The following ETV4 variants were observed in gnomAD, a reference collection of about 807,000 sequenced individuals.
ETV4 encodes the protein ETS variant transcription factor 4, also known as ETS translocation variant 4.
ETV4 carries 42 observed loss-of-function variants against 65.9 expected under a neutral mutation model. The observed-to-expected ratio is 0.64, with a 90% CI of 0.50 to 0.82. ETV4 has a LOEUF of 0.82. Among genes scored for constraint, ETV4 ranks in the 40% least tolerant of loss-of-function variants. The pLI is 0.00. For synonymous variants in ETV4, 238 were observed against 260.0 expected (o/e 0.92, Z 0.81); for missense variants, 583 against 630.3 (o/e 0.92, Z 0.80).
intron 4 of ETV4, among the ~76,000 whole-genome samples, chr17:43,537,264 C>A (rs1484637225): frequency 1.3e-5 from 2 of 152,120 alleles, no homozygotes; most frequent in African/African-American, 4.8e-5. Context: ...TACTCAGGAG[C>A]TGAGACAGAA....
chr17:43,535,668 A>C (rs1227019497), intron 5 of ETV4, among the ~76,000 whole-genome samples: 1 of 152,238 alleles, frequency 6.6e-6, no homozygotes, highest in Non-Finnish European at 1.5e-5. Flanking sequence ...TGAGCATCAT[A>C]GGATGCTTTT....
chr17:43,531,150 A>AT (rs1418578071), intron 8 of ETV4, among the ~76,000 whole-genome samples: 5 of 152,172 alleles, frequency 3.3e-5, no homozygotes, highest in Non-Finnish European at 7.3e-5. Context: ...GTTGTGGTTC[A>AT]TCCCCCTGCC....
intron 8 of ETV4, chr17:43,530,524 AGTTCGGT>A (rs1970859216): frequency 1.0e-6 from 1 of 990,884 alleles, no homozygotes; most frequent in Non-Finnish European, 1.3e-6. Context: ...CCGGGGAAAG[AGTTCGGT>A]GTCCACGCCT....
chr17:43,542,239 A>G (rs566964844), intron 4 of ETV4, among the ~76,000 whole-genome samples: 2 of 152,116 alleles, frequency 1.3e-5, no homozygotes, highest in East Asian at 3.9e-4. Context: ...ATACACCTTT[A>G]TGTATGGTGC....
At chr17:43,542,797 G>A (rs1391989226) in intron 4 of ETV4, among the ~76,000 whole-genome samples, 4 of 152,018 alleles carry the variant, frequency 2.6e-5, no homozygotes, top group African/African-American at 4.8e-5. Flanking sequence ...ACACTACCAG[G>A]ACCCCCCTGC....
intron 2 of ETV4, 54 bp downstream of exon 2, chr17:43,545,504 G>T: frequency 8.0e-7 from 1 of 1,242,912 alleles, no homozygotes; most frequent in Non-Finnish European, 1.1e-6. Context: ...GCTGTGGTGA[G>T]AGTAGGGGCT....
intron 8 of ETV4, among the ~76,000 whole-genome samples, chr17:43,532,376 G>A (rs1299701595): frequency 1.3e-5 from 2 of 152,062 alleles, no homozygotes; most frequent in Non-Finnish European, 2.9e-5. Context: ...GCTGGTGCCT[G>A]TAATCCCAGG....
At chr17:43,533,472 A>G in intron 6 of ETV4, 124 bp from the exon 7 acceptor site, 1 of 932,396 alleles carries the variant, frequency 1.1e-6, no homozygotes, top group East Asian at 2.6e-5. Context: ...GGGGGCTGAG[A>G]AGGGAACGGC....
intron 4 of ETV4, among the ~76,000 whole-genome samples, chr17:43,539,080 C>T (rs1971393615): frequency 6.6e-6 from 1 of 152,220 alleles, no homozygotes; most frequent in Admixed American, 6.5e-5. Context: ...CCCTTGCTCT[C>T]CACCTAGGTG....
Position 43,529,766 on chromosome 17 carries a change from C to G in ETV4, c.956-90G>C, listed in dbSNP as rs370999511. 2.3e-5 allele frequency: 37 copies of G among 1,593,006 alleles called. No homozygotes were observed. In the Middle Eastern group the frequency reaches 1.0e-3, roughly 43 times the overall value. ...CACCCGAGGGATTTCTCGAAGGGGT[C>G]TCCCCAGGTACTTTTCTATGGGTCC... On this transcript the variant is annotated intron_variant, in intron 10 of 12. Transcript: ENST00000319349.
chr17:43,532,681 G>T lies in ETV4; in HGVS notation c.804C>A (p.Tyr268Ter). Reference sequence around the variant, plus strand: ...CCCACCCCAGTCTCTTACCTGAGTCGTAGGCGAAGTCCGTCTGTTCCTGTT... The same window carrying T: ...CCCACCCCAGTCTCTTACCTGAGTCTTAGGCGAAGTCCGTCTGTTCCTGTT... ...VIKQEQTDFA[Y>*]DSDVTGCASM... Residue 268 changes from tyrosine to a stop codon, truncating the protein, a stop_gained, in exon 8 of 13, where the codon TAC becomes TAA. Coordinates refer to ENST00000319349, the MANE Select transcript of ETV4 (RefSeq NM_001079675.5). LOFTEE classifies it high-confidence loss of function. The T allele has an allele frequency of 6.2e-7, 1 of 1,611,732 alleles. No homozygotes were observed. Among genetic ancestry groups the T allele is most frequent in the Non-Finnish European group, 8.5e-7 (1 of 1,178,392 alleles).
chr17:43,530,050 G>A, intron 9 of ETV4, 57 bp downstream of exon 9: 2 of 1,610,714 alleles, frequency 1.2e-6, no homozygotes, highest in Non-Finnish European at 1.7e-6. Flanking sequence ...CCTCCCCCAT[G>A]GCAGCGCTCC....
intron 10 of ETV4, 80 bp downstream of exon 10, chr17:43,529,804 A>G (rs1212954713): frequency 1.2e-6 from 2 of 1,601,326 alleles, no homozygotes; most frequent in African/African-American, 2.7e-5. Context: ...CCCTCTTGCA[A>G]CAATGAAACG....
chr17:43,539,095 A>G (rs1971394215), intron 4 of ETV4, among the ~76,000 whole-genome samples: 1 of 152,190 alleles, frequency 6.6e-6, no homozygotes, highest in South Asian at 2.1e-4. Context: ...TAGGTGTCAC[A>G]GTGATCTTTT....
At position 43,533,752 on chromosome 17, in the gene ETV4, T is replaced by G. The variant is rs918854079; in HGVS notation, c.383+107A>C. On this transcript the variant is annotated intron_variant, in intron 6 of 12. Transcript: ENST00000319349. Reference sequence around the variant, plus strand: ...CTTACAAGTGCTAGAAAATCCTTTCTGTTGTCTAACTTGCATCTCAGCTGC... The same window carrying G: ...CTTACAAGTGCTAGAAAATCCTTTCGGTTGTCTAACTTGCATCTCAGCTGC... 29 of 1,416,280 alleles carry G rather than the reference T, an allele frequency of 2.0e-5. No homozygotes were observed. In the East Asian group the frequency reaches 7.1e-4, roughly 35 times the overall value. The allele number at this position is 1,416,280 out of a possible 1,614,324, so 87.7% of individuals were successfully genotyped here.
chr17:43,535,186 T>G (rs1054464788), intron 5 of ETV4, among the ~76,000 whole-genome samples: 3 of 152,236 alleles, frequency 2.0e-5, no homozygotes, highest in Non-Finnish European at 4.4e-5. Flanking sequence ...TAACCAACTA[T>G]TCTCTGCTGT....
In ETV4 at chr17:43,528,251, C is replaced by T. The variant is rs978800312; in HGVS notation, c.*268G>A. ...GGGGAAAAGGTGTGGGGGGCTTGGA[C>T]CTAGGAAGAAGCTGAGCTGAATTCC... On this transcript the variant is annotated 3_prime_UTR_variant, in exon 13 of 13. Coordinates refer to ENST00000319349, the MANE Select transcript of ETV4 (RefSeq NM_001079675.5). The T allele has an allele frequency of 1.0e-5, 4 of 394,834 alleles. No individual in the cohort carries two copies. Among genetic ancestry groups the T allele is most frequent in the African/African-American group, 6.0e-5 (3 of 49,828 alleles). The allele number at this position is 394,834 out of a possible 1,614,324, so 24.5% of individuals were successfully genotyped here. A position where few individuals can be genotyped will look rare whatever the true frequency, so the allele number is the denominator to read the frequency against.
intron 7 of ETV4, 56 bp from the exon 8 acceptor site, chr17:43,532,995 C>T (rs192586313): frequency 8.5e-6 from 13 of 1,524,298 alleles, no homozygotes; most frequent in Admixed American, 2.1e-5. Flanking sequence ...AATCCTTCCT[C>T]GAGCCTGTTA....
chr17:43,540,414 A>G (rs891767079), intron 4 of ETV4, among the ~76,000 whole-genome samples: 11 of 152,106 alleles, frequency 7.2e-5, no homozygotes, highest in African/African-American at 1.9e-4. Context: ...GATAGCACCA[A>G]TGCACTCCAG....
Sources: gnomAD v4.1 joint callset for allele counts (sites outside exome capture counted in the v4.1 genomes callset) on GRCh38, gnomAD v4.1.1 for gene constraint, MANE v1.5 for transcripts, NCBI Gene and HGNC (gene_info 2026-07-23, HGNC 2026-07-21) for gene names.